PRMT9: variants seen among roughly 807,000 people sequenced by gnomAD.
PRMT9 encodes the protein protein arginine methyltransferase 9.
A neutral mutation model predicts 83.2 loss-of-function variants in PRMT9; 59 were observed. That is an observed-to-expected ratio of 0.71 (90% confidence interval 0.57 to 0.88). The LOEUF is 0.88. Among genes scored for constraint, PRMT9 ranks in the 40% least tolerant of loss-of-function variants. The pLI, the probability that PRMT9 is intolerant of heterozygous loss-of-function variation, is 0.00. For missense variants in PRMT9, 947 were observed against 1,021.9 expected, an observed-to-expected ratio of 0.93 and a Z score of 1.00; for synonymous variants, 333 against 353.2, an observed-to-expected ratio of 0.94 and a Z score of 0.64.
intron 10 of PRMT9, among the ~76,000 whole-genome samples, chr4:147,641,734 TTACCGCAA>T (rs1236009225): frequency 2.0e-5 from 3 of 152,180 alleles, no homozygotes; most frequent in Admixed American, 1.3e-4. Flanking sequence ...TGATTTCAGC[TTACCGCAA>T]CCTCCACCTC....
At chr4:147,650,196 A>T (rs1346095509) in intron 9 of PRMT9, among the ~76,000 whole-genome samples, 1 of 152,226 alleles carries the variant, frequency 6.6e-6, no homozygotes, top group African/African-American at 2.4e-5. Context: ...TACACAAGAA[A>T]AAATAACATA....
In PRMT9 at chr4:147,683,886, G is replaced by C. The variant is rs776325388; in HGVS notation, c.102C>G (p.His34Gln). 15 of 1,613,552 alleles carry C rather than the reference G, an allele frequency of 9.3e-6. No individual in the cohort carries two copies. The highest frequency in any genetic ancestry group is 8.8e-5 in the South Asian group (8 of 91,090). ...TGCCGAAGTCCTGGACGCCCAGACA[G>C]TGCTCTGCGCTCTGCAAGGACCGCG... Reference protein sequence around the residue: ...LVSRSLQSAEHCLGVQDFGTA... With the variant: ...LVSRSLQSAEQCLGVQDFGTA... Residue 34 changes from histidine to glutamine, a missense_variant, in exon 1 of 12, where the codon CAC (histidine) becomes CAG (glutamine). Coordinates refer to ENST00000322396, the MANE Select transcript of PRMT9 (RefSeq NM_138364.4).
chr4:147,653,848 T>C lies in PRMT9; in HGVS notation c.2045+4A>G, dbSNP rs1380408031. ...AAGCCAAAAGTTATTATTTTGTGTTTTACCTGGATATTGCAGCTTTTTCCA... is the reference window on the plus strand; with the variant it reads ...AAGCCAAAAGTTATTATTTTGTGTTCTACCTGGATATTGCAGCTTTTTCCA... On this transcript the variant is annotated splice_donor_region_variant and intron_variant, in intron 9 of 11. Transcript: ENST00000322396. 1 of 1,606,958 alleles carries C rather than the reference T, an allele frequency of 6.2e-7. No individual in the cohort carries two copies. The highest frequency in any genetic ancestry group is 1.7e-4 in the Middle Eastern group (1 of 6,046).
chr4:147,679,528 G>A (rs1371464629), intron 2 of PRMT9, among the ~76,000 whole-genome samples: 2 of 151,832 alleles, frequency 1.3e-5, no homozygotes, highest in East Asian at 1.9e-4. Context: ...CGGGTGGATC[G>A]CTTGAGGTCA....
chr4:147,652,098 A>G (rs1206595321), intron 9 of PRMT9, among the ~76,000 whole-genome samples: 1 of 152,172 alleles, frequency 6.6e-6, no homozygotes, highest in Non-Finnish European at 1.5e-5. Flanking sequence ...CTGCAACTAC[A>G]AAAACAAAAA....
chr4:147,638,926 T>G, intron 11 of PRMT9, 34 bp downstream of exon 11: 1 of 1,590,636 alleles, frequency 6.3e-7, no homozygotes, highest in Non-Finnish European at 8.6e-7. Flanking sequence ...TTCTAAACAA[T>G]AACAAACGAA....
chr4:147,645,921 T>G (rs1186230858), intron 9 of PRMT9, among the ~76,000 whole-genome samples: 1 of 152,208 alleles, frequency 6.6e-6, no homozygotes, highest in East Asian at 1.9e-4. Context: ...CCTTCTGAGT[T>G]GTAATAAATC....
At chr4:147,667,544 T>C (rs1323225776) in intron 6 of PRMT9, among the ~76,000 whole-genome samples, 2 of 152,160 alleles carry the variant, frequency 1.3e-5, no homozygotes, top group African/African-American at 2.4e-5. Context: ...GTCCTACCAA[T>C]CTCTAAACAT....
chr4:147,670,516 C>A, intron 5 of PRMT9, 125 bp downstream of exon 5: 1 of 760,318 alleles, frequency 1.3e-6, no homozygotes, highest in Non-Finnish European at 2.3e-6. Flanking sequence ...TCCAACCACA[C>A]AGTATGTACA....
At position 147,680,570 on chromosome 4, in the gene PRMT9, C is replaced by T. The variant is rs1407549345; in HGVS notation, c.190-99G>A. The T allele has an allele frequency of 3.2e-6, 3 of 935,426 alleles. No individual in the cohort carries two copies. The African/African-American group carries it at 5.0e-5, about 15-fold the overall frequency. The allele number at this position is 935,426 out of a possible 1,614,324, so 57.9% of individuals were successfully genotyped here. ...GATTCCAAGCAATCGAACTTAATCA[C>T]TATTGAACAATCACCTTAAACTTCA... is the stretch of plus-strand genomic sequence containing the variant. On this transcript the variant is annotated intron_variant, in intron 1 of 11. Coordinates refer to ENST00000322396, the MANE Select transcript of PRMT9 (RefSeq NM_138364.4).
rs17023638 is a variant in PRMT9 at position 147,654,450 on chromosome 4, T to C, written c.1447A>G (p.Ser483Gly). The change falls in exon 9 of 12, where the codon AGT becomes GGT. Residue 483 changes from serine (S) to glycine (G), a missense_variant. By Grantham distance (56) the Ser-to-Gly change is moderately conservative. Transcript: ENST00000322396. ...GLECEMDVAK[S>G]FTQNKDLLSL... Reference sequence around the variant, plus strand: ...AACAAGTCTTTATTCTGGGTAAAACTTTTTGCAACATCCATTTCACATTCC... The same window carrying C: ...AACAAGTCTTTATTCTGGGTAAAACCTTTTGCAACATCCATTTCACATTCC... The C allele has an allele frequency of 3.7e-3, 6,007 of 1,613,988 alleles. 182 individuals carry two copies. In the African/African-American group the frequency reaches 0.07, roughly 19 times the overall value.
chr4:147,680,562 C>A, intron 1 of PRMT9, 91 bp from the exon 2 acceptor site: 1 of 1,009,284 alleles, frequency 9.9e-7, no homozygotes, highest in Non-Finnish European at 1.5e-6. Flanking sequence ...AGCAATCGAA[C>A]TTAATCACTA....
At chr4:147,640,739 A>T (rs1733340274) in intron 10 of PRMT9, among the ~76,000 whole-genome samples, 1 of 152,258 alleles carries the variant, frequency 6.6e-6, no homozygotes, top group Non-Finnish European at 1.5e-5. Flanking sequence ...TTATTTTTAG[A>T]GACAGGGTCA....
intron 10 of PRMT9, 120 bp from the exon 11 acceptor site, chr4:147,639,202 T>C (rs989313880): frequency 1.3e-5 from 13 of 964,862 alleles, no homozygotes; most frequent in Admixed American, 8.7e-5. Context: ...TCAATAGTAC[T>C]TGACAGAATG....
chr4:147,657,714 T>TA, intron 8 of PRMT9, 78 bp downstream of exon 8: 1 of 1,103,852 alleles, frequency 9.1e-7, no homozygotes, highest in Admixed American at 2.0e-5. Flanking sequence ...ATATCCAAAG[T>TA]AATTTTTTTT....
chr4:147,676,471 A>G (rs1736080622), intron 2 of PRMT9, among the ~76,000 whole-genome samples: 1 of 152,234 alleles, frequency 6.6e-6, no homozygotes, highest in African/African-American at 2.4e-5. Flanking sequence ...ATTTAGGTGG[A>G]AAGAGGTTGC....
intron 6 of PRMT9, among the ~76,000 whole-genome samples, chr4:147,663,738 A>C (rs1578914095): frequency 1.3e-5 from 2 of 152,334 alleles, no homozygotes; most frequent in South Asian, 4.1e-4. Flanking sequence ...TATGGTAAAA[A>C]GTCCACCTTC....
At chr4:147,638,918 C>T in intron 11 of PRMT9, 42 bp downstream of exon 11, 1 of 1,573,320 alleles carries the variant, frequency 6.4e-7, no homozygotes, top group South Asian at 1.1e-5. Flanking sequence ...GATAATTATT[C>T]TAAACAATAA....
chr4:147,651,131 A>C (rs942256191), intron 9 of PRMT9, among the ~76,000 whole-genome samples: 5 of 151,974 alleles, frequency 3.3e-5, no homozygotes, highest in Non-Finnish European at 5.9e-5. Context: ...AGACCATATA[A>C]ATAAACCCAC....
Sources: gnomAD v4.1 joint callset for allele counts (sites outside exome capture counted in the v4.1 genomes callset) on GRCh38, gnomAD v4.1.1 for gene constraint, MANE v1.5 for transcripts, NCBI Gene and HGNC (gene_info 2026-07-23, HGNC 2026-07-21) for gene names.